CRPPA: variants seen among roughly 807,000 people sequenced by gnomAD.
The protein encoded by CRPPA is D-ribitol-5-phosphate cytidylyltransferase.
In CRPPA, 43 loss-of-function variants were observed where a neutral mutation model predicts 52.0. That is an observed-to-expected ratio of 0.83 (90% CI 0.65 to 1.07). The LOEUF is 1.07. Ranked by LOEUF, CRPPA falls within the 50% of genes least tolerant of loss-of-function variation. The pLI is 0.00. For missense variants in CRPPA, 629 were observed against 551.7 expected (o/e 1.14, Z -1.40); for synonymous variants, 250 against 203.5 (o/e 1.23, Z -1.94).
intron 8 of CRPPA, among the ~76,000 whole-genome samples, chr7:16,223,576 T>C (rs1000919188): frequency 2.0e-5 from 3 of 152,164 alleles, no homozygotes; most frequent in Non-Finnish European, 4.4e-5. Context: ...CCTAATACCA[T>C]GAAACTTAAG....
chr7:16,189,761 G>T (rs1781571137), intron 9 of CRPPA, among the ~76,000 whole-genome samples: 2 of 152,124 alleles, frequency 1.3e-5, no homozygotes, highest in Non-Finnish European at 2.9e-5. Flanking sequence ...AATCACAGAG[G>T]AATAGTTCTT....
At chr7:16,253,309 T>G (rs1191484762) in intron 8 of CRPPA, among the ~76,000 whole-genome samples, 1 of 152,198 alleles carries the variant, frequency 6.6e-6, no homozygotes, top group African/African-American at 2.4e-5. Flanking sequence ...GCGGTGTCTT[T>G]GTTCTCATTG....
chr7:16,286,038 A>AT lies in CRPPA; in HGVS notation c.836-7813_836-7812insA, dbSNP rs1784426696. ...TCCATCTCAAAAAAAAAAAAAAAAA[A>AT]ATATAAATATATATATATATATATA... On this transcript the variant is annotated intron_variant, in intron 5 of 9. Coordinates refer to ENST00000407010, the MANE Select transcript of CRPPA (RefSeq NM_001101426.4). Among the ~76,000 whole-genome samples, 172 of 17,484 alleles carry AT rather than the reference A, an allele frequency of 9.8e-3. 7 individuals are homozygous for AT. The highest frequency in any genetic ancestry group is 0.03 in the African/African-American group (79 of 2,648). The allele number at this position is 17,484 out of a possible 152,430, so 11.5% of individuals were successfully genotyped here.
intron 8 of CRPPA, among the ~76,000 whole-genome samples, chr7:16,243,909 T>C (rs1165815119): frequency 1.3e-5 from 2 of 152,172 alleles, no homozygotes; most frequent in African/African-American, 4.8e-5. Context: ...GGAGGCTTCA[T>C]TGAGCTATGA....
At chr7:16,412,383 A>G (rs896950436) in intron 1 of CRPPA, among the ~76,000 whole-genome samples, 6 of 152,206 alleles carry the variant, frequency 3.9e-5, no homozygotes, top group African/African-American at 1.4e-4. Context: ...TGAGTATATA[A>G]GTAAATATGC....
At chr7:16,222,781 A>G (rs1782553245) in intron 8 of CRPPA, among the ~76,000 whole-genome samples, 1 of 152,144 alleles carries the variant, frequency 6.6e-6, no homozygotes, top group Admixed American at 6.6e-5. Flanking sequence ...AAAGTATTCT[A>G]CTGATCATTT....
intron 2 of CRPPA, among the ~76,000 whole-genome samples, chr7:16,383,769 G>A (rs969960267): frequency 2.0e-5 from 3 of 152,242 alleles, no homozygotes; most frequent in South Asian, 2.1e-4. Flanking sequence ...AGCAATCAGC[G>A]AGACTCCATG....
intron 1 of CRPPA, among the ~76,000 whole-genome samples, chr7:16,420,637 A>G (rs1037808382): frequency 2.6e-5 from 4 of 152,224 alleles, no homozygotes; most frequent in African/African-American, 9.6e-5. Flanking sequence ...AATGAATGAA[A>G]AAAACGAACA....
intron 8 of CRPPA, among the ~76,000 whole-genome samples, chr7:16,224,190 C>T (rs993020431): frequency 1.3e-5 from 2 of 152,102 alleles, no homozygotes; most frequent in Non-Finnish European, 2.9e-5. Flanking sequence ...TGTGTCTTTA[C>T]ACTCAGCTCT....
At chr7:16,400,562 G>C (rs930519201) in intron 2 of CRPPA, among the ~76,000 whole-genome samples, 16 of 152,316 alleles carry the variant, frequency 1.1e-4, no homozygotes, top group Admixed American at 7.8e-4. Flanking sequence ...ATCGACACTT[G>C]ACTGACACAT....
chr7:16,297,245 T>C (rs1195859006), intron 5 of CRPPA, among the ~76,000 whole-genome samples: 3 of 152,194 alleles, frequency 2.0e-5, no homozygotes, highest in Non-Finnish European at 4.4e-5. Flanking sequence ...TACAGCGTTA[T>C]TGTAAAGAAT....
chr7:16,227,307 T>C (rs1220447050), intron 8 of CRPPA, among the ~76,000 whole-genome samples: 3 of 151,890 alleles, frequency 2.0e-5, no homozygotes, highest in Non-Finnish European at 4.4e-5. Context: ...GTTAGGAATC[T>C]CCATACTGCT....
At chr7:16,230,344 T>C (rs1260671399) in intron 8 of CRPPA, among the ~76,000 whole-genome samples, 3 of 152,176 alleles carry the variant, frequency 2.0e-5, no homozygotes, top group Non-Finnish European at 4.4e-5. Flanking sequence ...TATTTCAAAA[T>C]AACCTGTCTT....
intron 3 of CRPPA, among the ~76,000 whole-genome samples, chr7:16,326,528 T>A (rs1055522211): frequency 6.6e-6 from 1 of 152,184 alleles, no homozygotes; most frequent in African/African-American, 2.4e-5. Flanking sequence ...TAAAATTATC[T>A]TAATTTGTAG....
rs188750968 is a variant in CRPPA at position 16,096,341 on chromosome 7, C to A, written c.1252-4542G>T. On this transcript the variant is annotated intron_variant, in intron 9 of 9. Transcript: ENST00000407010. Reference sequence around the variant, plus strand: ...TAAGCAGACCCAGAAATGAGACATACATTGGAATCATCATGCAAGGATTTC... The same window carrying A: ...TAAGCAGACCCAGAAATGAGACATAAATTGGAATCATCATGCAAGGATTTC... 3.1e-4 allele frequency among the ~76,000 whole-genome samples: 47 copies of A among 151,742 alleles called. 1 individual carries two copies. The highest frequency in any genetic ancestry group is 2.6e-3 in the Admixed American group (39 of 15,200).
At chr7:16,201,375 ACTCT>A (rs1434356216) in intron 9 of CRPPA, among the ~76,000 whole-genome samples, 1 of 151,906 alleles carries the variant, frequency 6.6e-6, no homozygotes, top group Non-Finnish European at 1.5e-5. Flanking sequence ...TCGCAGTCTT[ACTCT>A]CTCTCAATTT....
At chr7:16,199,596 C>T (rs746081251) in intron 9 of CRPPA, among the ~76,000 whole-genome samples, 1 of 152,026 alleles carries the variant, frequency 6.6e-6, no homozygotes, top group Non-Finnish European at 1.5e-5. Context: ...AAATAAAATT[C>T]TCCTGAATCT....
rs1562608276 is a variant in CRPPA, at chr7:16,286,035, AAAAATATAAATAT to A, written c.836-7822_836-7810del. Among the ~76,000 whole-genome samples, 59 of 18,794 alleles carry A rather than the reference AAAAATATAAATAT, an allele frequency of 3.1e-3. 5 individuals are homozygous for A. The highest frequency in any genetic ancestry group is 0.012 in the African/African-American group (31 of 2,548). The allele number at this position is 18,794 out of a possible 152,430, so 12.3% of individuals were successfully genotyped here. A position where few individuals can be genotyped will look rare whatever the true frequency, so the allele number is the denominator to read the frequency against. On this transcript the variant is annotated intron_variant, in intron 5 of 9. Transcript: ENST00000407010. The stretch of plus-strand genomic sequence containing the variant: ...AACTCCATCTCAAAAAAAAAAAAAA[AAAAATATAAATAT>A]ATATATATATATATATATATATATA...
At chr7:16,335,067 C>T (rs1189035880) in intron 3 of CRPPA, among the ~76,000 whole-genome samples, 1 of 144,498 alleles carries the variant, frequency 6.9e-6, no homozygotes, top group East Asian at 2.1e-4. Context: ...CACATGTAAT[C>T]CCAGCAATCT....
Sources: allele counts gnomAD v4.1 joint callset (sites outside exome capture counted in the v4.1 genomes callset), GRCh38; gene constraint gnomAD v4.1.1; transcripts MANE v1.5; gene names NCBI Gene and HGNC (gene_info 2026-07-23, HGNC 2026-07-21).